Variants in SCMH1 observed in about 807,000 individuals in gnomAD.
The protein encoded by SCMH1 is Scm polycomb group protein homolog 1, also known as polycomb protein SCMH1.
A neutral mutation model predicts 70.8 loss-of-function variants in SCMH1; 37 were observed. That is an observed-to-expected ratio of 0.52 (90% CI 0.40 to 0.69). SCMH1 has a LOEUF of 0.69. Among genes scored for constraint, SCMH1 ranks in the 30% least tolerant of loss-of-function variants. The pLI, the probability that SCMH1 is intolerant of heterozygous loss-of-function variation, is 0.00. For synonymous variants in SCMH1, 292 were observed against 307.4 expected (o/e 0.95, Z 0.52); for missense variants, 607 against 827.3 (o/e 0.73, Z 3.27).
rs533767562 is a variant in SCMH1, at chr1:41,180,104, C to T, written c.13+6017G>A. On this transcript the variant is annotated intron_variant, in intron 2 of 14. Transcript: ENST00000337495. ...TAATCCAGCATATAAACAGAACCAA[C>T]GACAAAAACCATATGATTATCTCAA... Among the ~76,000 whole-genome samples the T allele has an allele frequency of 3.3e-3, 508 of 152,170 alleles. 4 individuals are homozygous for T. The highest frequency in any genetic ancestry group is 4.2e-3 in the Non-Finnish European group (283 of 68,008).
chr1:41,231,174 GT>G (rs1328063124), intron 1 of SCMH1, among the ~76,000 whole-genome samples: 4 of 152,170 alleles, frequency 2.6e-5, no homozygotes, highest in Non-Finnish European at 1.5e-5. Context: ...GACTTGGCAT[GT>G]TTTTGACACT....
At chr1:41,186,783 T>C (rs748199349) in intron 1 of SCMH1, among the ~76,000 whole-genome samples, 1 of 152,192 alleles carries the variant, frequency 6.6e-6, no homozygotes, top group Non-Finnish European at 1.5e-5. Context: ...AAATGCTACA[T>C]GAGGACTCAG....
At chr1:41,190,559 G>A (rs1485016428) in intron 1 of SCMH1, among the ~76,000 whole-genome samples, 1 of 152,196 alleles carries the variant, frequency 6.6e-6, no homozygotes, top group Non-Finnish European at 1.5e-5. Flanking sequence ...GGAAGAGGGA[G>A]GCTGGACTGG....
intron 5 of SCMH1, among the ~76,000 whole-genome samples, chr1:41,146,204 AAG>A (rs1167914974): frequency 6.6e-6 from 1 of 152,098 alleles, no homozygotes; most frequent in East Asian, 1.9e-4. Context: ...TTTTAACAAA[AAG>A]AGTTTAAAAG....
At chr1:41,079,164 A>T (rs1659232171) in intron 8 of SCMH1, among the ~76,000 whole-genome samples, 1 of 152,222 alleles carries the variant, frequency 6.6e-6, no homozygotes, top group Admixed American at 6.5e-5. Context: ...TAGAATAATA[A>T]AACATACTTG....
intron 1 of SCMH1, among the ~76,000 whole-genome samples, chr1:41,229,589 G>A (rs1334865612): frequency 5.9e-5 from 9 of 152,138 alleles, no homozygotes; most frequent in African/African-American, 1.9e-4. Context: ...AGGGCCTGTC[G>A]GAGGGTAGAG....
intron 1 of SCMH1, among the ~76,000 whole-genome samples, chr1:41,214,948 G>A (rs1415634234): frequency 6.6e-6 from 1 of 152,106 alleles, no homozygotes; most frequent in African/African-American, 2.4e-5. Context: ...AATGCTAAAC[G>A]TAGTTATGTT....
At chr1:41,070,256 T>G (rs1656022608) in intron 10 of SCMH1, among the ~76,000 whole-genome samples, 1 of 152,098 alleles carries the variant, frequency 6.6e-6, no homozygotes, top group South Asian at 2.1e-4. Context: ...CATACATATT[T>G]TAAGGGTGGC....
intron 1 of SCMH1, among the ~76,000 whole-genome samples, chr1:41,236,606 T>C (rs1389571281): frequency 1.3e-5 from 2 of 152,146 alleles, no homozygotes; most frequent in African/African-American, 4.8e-5. Flanking sequence ...GCGATAAGGT[T>C]ATCAAAAGGT....
intron 10 of SCMH1, among the ~76,000 whole-genome samples, chr1:41,063,061 C>A (rs1653324000): frequency 6.6e-6 from 1 of 152,058 alleles, no homozygotes; most frequent in African/African-American, 2.4e-5. Context: ...AAGCAGCAAT[C>A]TGAGCTTCCA....
intron 12 of SCMH1, among the ~76,000 whole-genome samples, chr1:41,039,479 CTT>C (rs35830007): frequency 6.2e-5 from 9 of 145,432 alleles, no homozygotes; most frequent in Non-Finnish European, 7.6e-5. Flanking sequence ...ATTGCAAATA[CTT>C]TTTTTTTTTT....
At chr1:41,153,268 G>A (rs1340579963) in intron 4 of SCMH1, among the ~76,000 whole-genome samples, 1 of 152,094 alleles carries the variant, frequency 6.6e-6, no homozygotes, top group African/African-American at 2.4e-5. Context: ...AGCCAATAAG[G>A]TAGCCACTAG....
At chr1:41,129,433 T>A (rs1218456370) in intron 6 of SCMH1, among the ~76,000 whole-genome samples, 12 of 152,222 alleles carry the variant, frequency 7.9e-5, no homozygotes, top group Non-Finnish European at 1.6e-4. Flanking sequence ...AGATGTCTCA[T>A]CTAAGTGAAA....
At chr1:41,151,764 A>G in intron 4 of SCMH1, 80 bp from the exon 5 acceptor site, 1 of 933,034 alleles carries the variant, frequency 1.1e-6, no homozygotes, top group East Asian at 2.5e-5. Flanking sequence ...ACTAAACAGT[A>G]AGCTATTTGT....
At chr1:41,094,399 A>G (rs556920787) in intron 8 of SCMH1, among the ~76,000 whole-genome samples, 2 of 152,312 alleles carry the variant, frequency 1.3e-5, no homozygotes, top group Non-Finnish European at 2.9e-5. Context: ...AGGCAAGTAG[A>G]GTTAACATTA....
intron 8 of SCMH1, among the ~76,000 whole-genome samples, chr1:41,099,450 T>A (rs1050771565): frequency 6.6e-6 from 1 of 152,210 alleles, no homozygotes; most frequent in Non-Finnish European, 1.5e-5. Flanking sequence ...CAAAGTACTT[T>A]AACATTCATT....
chr1:41,152,501 G>T, intron 4 of SCMH1: 1 of 1,294,006 alleles, frequency 7.7e-7, no homozygotes. Flanking sequence ...AACATCTTAA[G>T]GCAGGAACAT....
chr1:41,123,046 CCT>C (rs1445544946), intron 6 of SCMH1, among the ~76,000 whole-genome samples: 1 of 152,102 alleles, frequency 6.6e-6, no homozygotes, highest in African/African-American at 2.4e-5. Flanking sequence ...ACAGTGAGAC[CCT>C]GTTTCTACAA....
At chr1:41,149,429 TTGTC>T (rs1247518075) in intron 5 of SCMH1, among the ~76,000 whole-genome samples, 1 of 152,224 alleles carries the variant, frequency 6.6e-6, no homozygotes, top group Non-Finnish European at 1.5e-5. Flanking sequence ...TTTAATGTGT[TTGTC>T]TGCTATTCTA....
Sources: gnomAD v4.1 joint callset for allele counts (sites outside exome capture counted in the v4.1 genomes callset) on GRCh38, gnomAD v4.1.1 for gene constraint, MANE v1.5 for transcripts, NCBI Gene and HGNC (gene_info 2026-07-23, HGNC 2026-07-21) for gene names.